The following H2AZ2 variants were observed in gnomAD, a reference collection of about 807,000 sequenced individuals.
H2AZ2 encodes H2A.Z variant histone 2.
In H2AZ2, 5 loss-of-function variants were observed where a neutral mutation model predicts 15.5. The observed-to-expected ratio is 0.32, with a 90% confidence interval of 0.17 to 0.68. The LOEUF (loss-of-function observed/expected upper bound fraction) is 0.68, where lower values mean the gene tolerates loss of function less well. Among genes scored for constraint, H2AZ2 ranks in the 30% least tolerant of loss-of-function variants. The pLI is 0.72. For missense variants in H2AZ2, 42 were observed against 162.5 expected (o/e 0.26, Z 4.03); for synonymous variants, 44 against 57.4 (o/e 0.77, Z 1.05).
At chr7:44,841,180 G>T (rs1793267236) in intron 2 of H2AZ2, among the ~76,000 whole-genome samples, 168 bp from the exon 3 acceptor site, 1 of 152,118 alleles carries the variant, frequency 6.6e-6, no homozygotes, top group African/African-American at 2.4e-5. Context: ...TCTCTGTTCT[G>T]GTAATCTGTC....
At chr7:44,846,058 C>CAG (rs1278378854) in intron 1 of H2AZ2, among the ~76,000 whole-genome samples, 10 of 92,752 alleles carry the variant, frequency 1.1e-4, no homozygotes, top group South Asian at 2.9e-4. Context: ...CACACACACA[C>CAG]ACACAGAGAG....
At chr7:44,843,441 T>C in intron 1 of H2AZ2, 87 bp from the exon 2 acceptor site, 1 of 861,706 alleles carries the variant, frequency 1.2e-6, no homozygotes, top group Admixed American at 2.2e-5. Flanking sequence ...TTTCTAGTTT[T>C]ACTTTAGGTA....
intron 1 of H2AZ2, 115 bp downstream of exon 1, chr7:44,847,854 G>C: frequency 1.4e-6 from 2 of 1,415,344 alleles, no homozygotes; most frequent in South Asian, 1.3e-5. Flanking sequence ...GGCTCGGCCG[G>C]ACGAAGCCCA....
chr7:44,848,088 G>A (rs1793464511), upstream of H2AZ2: 4 of 532,514 alleles, frequency 7.5e-6, no homozygotes, highest in Middle Eastern at 5.6e-4. Context: ...AATACCCCGT[G>A]CCCGCCTCGC....
downstream of H2AZ2, among the ~76,000 whole-genome samples, chr7:44,831,341 G>T (rs1169948359): frequency 6.6e-6 from 1 of 151,990 alleles, no homozygotes; most frequent in African/African-American, 2.4e-5. Context: ...ACATGACCTA[G>T]TTGTTCTATT....
chr7:44,837,996 G>T (rs1793172150), intron 3 of H2AZ2, among the ~76,000 whole-genome samples: 1 of 151,066 alleles, frequency 6.6e-6, no homozygotes, highest in Non-Finnish European at 1.5e-5. Flanking sequence ...TTTTAAGACG[G>T]AGTCTCGTTC....
At chr7:44,846,060 C>CAGAG (rs1167886736) in intron 1 of H2AZ2, among the ~76,000 whole-genome samples, 5 of 78,282 alleles carry the variant, frequency 6.4e-5, no homozygotes, top group South Asian at 3.4e-4. Flanking sequence ...CACACACACA[C>CAGAG]ACAGAGAGAG....
At chr7:44,840,852 A>C in intron 3 of H2AZ2, 47 bp downstream of exon 3, 5 of 1,211,004 alleles carry the variant, frequency 4.1e-6, no homozygotes, top group Non-Finnish European at 4.9e-6. Context: ...CACTGAGACT[A>C]GTGCACCTTC....
At chr7:44,839,654 C>A (rs1219452647) in intron 3 of H2AZ2, among the ~76,000 whole-genome samples, 6 of 150,942 alleles carry the variant, frequency 4.0e-5, no homozygotes, top group Non-Finnish European at 8.8e-5. Flanking sequence ...TGCACTCCAG[C>A]CTGGGTGACA....
In H2AZ2 at chr7:44,843,362, CAA is replaced by C. The variant is rs747277930; in HGVS notation, c.4-10_4-9del. 1 of 1,587,694 alleles carries C rather than the reference CAA, an allele frequency of 6.3e-7. No homozygotes were observed. Among genetic ancestry groups the C allele is most frequent in the Non-Finnish European group, 8.6e-7 (1 of 1,167,050 alleles). On this transcript the variant is annotated splice_polypyrimidine_tract_variant and intron_variant, in intron 1 of 4. Transcript: ENST00000308153. ...TCCAGCTTTGCCTCCAGCCTAAATGCAAAAAAAAATTTTTTTGAATGAAAAGA... is the reference window on the plus strand; with the variant it reads ...TCCAGCTTTGCCTCCAGCCTAAATGCAAAAAAATTTTTTTGAATGAAAAGA...
At chr7:44,831,203 C>CT, downstream of H2AZ2, among the ~76,000 whole-genome samples, 1 of 151,958 alleles carries the variant, frequency 6.6e-6, no homozygotes, top group Non-Finnish European at 1.5e-5. Flanking sequence ...AAAAAGCTAT[C>CT]TTTTAGATAC....
chr7:44,843,306 C>T lies in H2AZ2; in HGVS notation c.52G>A (p.Val18Ile). The T allele has an allele frequency of 1.2e-6, 2 of 1,612,212 alleles. No homozygotes were observed. Among genetic ancestry groups the T allele is most frequent in the Non-Finnish European group, 1.7e-6 (2 of 1,179,326 alleles). ...AGCCCAGCTCTCTGTGAGCGAGATA[C>T]TGCCTTAGCCTTGGCCTTCCCACTG... ...KDSGKAKAKA[V>I]SRSQRAGLQF... The change falls in exon 2 of 5, where the codon GTA becomes ATA. Residue 18 changes from valine to isoleucine, a missense_variant. By Grantham distance (29) the Val-to-Ile change is conservative. Transcript: ENST00000308153.
chr7:44,846,895 C>T (rs1031921379), intron 1 of H2AZ2, among the ~76,000 whole-genome samples: 1 of 150,878 alleles, frequency 6.6e-6, no homozygotes, highest in African/African-American at 2.4e-5. Context: ...AGCAATTATC[C>T]CTAAAGTCTA....
At chr7:44,838,512 G>T (rs185782921) in intron 3 of H2AZ2, among the ~76,000 whole-genome samples, 1 of 151,998 alleles carries the variant, frequency 6.6e-6, no homozygotes, top group Admixed American at 6.6e-5. Context: ...AATTAGCCAG[G>T]TGTGGTGATG....
chr7:44,833,526 C>T lies in H2AZ2; in HGVS notation c.*975G>A, dbSNP rs12155039. On this transcript the variant is annotated 3_prime_UTR_variant, in exon 5 of 5. Coordinates refer to ENST00000308153, the MANE Select transcript of H2AZ2 (RefSeq NM_012412.5). ...CTGGGATTACAGGCGTGAGCCACCG[C>T]GCCTGGCCGAGACGGCGTTTTACCA... is the stretch of plus-strand genomic sequence containing the variant. 7 of 208,126 alleles carry T rather than the reference C, an allele frequency of 3.4e-5. No individual in the cohort carries two copies. Among genetic ancestry groups the T allele is most frequent in the East Asian group, 1.8e-4 (1 of 5,424 alleles). The allele number at this position is 208,126 out of a possible 1,614,324, so 12.9% of individuals were successfully genotyped here. A position where few individuals can be genotyped will look rare whatever the true frequency, so the allele number is the denominator to read the frequency against.
chr7:44,847,913 C>T (rs915227473), intron 1 of H2AZ2, 56 bp downstream of exon 1: 2 of 1,532,242 alleles, frequency 1.3e-6, no homozygotes, highest in Non-Finnish European at 1.7e-6. Flanking sequence ...GACGCCAGGG[C>T]CTCCGCGCTC....
At position 44,834,258 on chromosome 7, in the gene H2AZ2, C is replaced by A; in HGVS notation, c.*243G>T. 2 of 1,243,012 alleles carry A rather than the reference C, an allele frequency of 1.6e-6. No homozygotes were observed. Among genetic ancestry groups the A allele is most frequent in the Non-Finnish European group, 2.0e-6 (2 of 990,902 alleles). 77.0% of individuals were successfully genotyped at this position (1,243,012 alleles called of 1,614,324 possible). On this transcript the variant is annotated 3_prime_UTR_variant, in exon 5 of 5. Coordinates refer to ENST00000308153, the MANE Select transcript of H2AZ2 (RefSeq NM_012412.5). ...TTTGTAAAAAATGGTTTATCAATTCCATTTTTGTATAAAACACACGGGAGA... is the reference window on the plus strand; with the variant it reads ...TTTGTAAAAAATGGTTTATCAATTCAATTTTTGTATAAAACACACGGGAGA...
At position 44,834,368 on chromosome 7, in the gene H2AZ2, T is replaced by C. The variant is rs1308705563; in HGVS notation, c.*133A>G. 22 of 1,349,376 alleles carry C rather than the reference T, an allele frequency of 1.6e-5. No homozygotes were observed. Among genetic ancestry groups the C allele is most frequent in the South Asian group, 2.2e-5 (1 of 45,138 alleles). The allele number at this position is 1,349,376 out of a possible 1,614,324, so 83.6% of individuals were successfully genotyped here. A position where few individuals can be genotyped will look rare whatever the true frequency, so the allele number is the denominator to read the frequency against. ...AGTCTAAGAACATACAAATGTTTCTTTTATCATGTCTACAGTAATTGTCTA... is the reference window on the plus strand; with the variant it reads ...AGTCTAAGAACATACAAATGTTTCTCTTATCATGTCTACAGTAATTGTCTA... On this transcript the variant is annotated 3_prime_UTR_variant, in exon 5 of 5. Transcript: ENST00000308153.
intron 3 of H2AZ2, among the ~76,000 whole-genome samples, chr7:44,837,236 A>T (rs1008493943): frequency 2.6e-5 from 4 of 151,626 alleles, no homozygotes; most frequent in African/African-American, 9.7e-5. Context: ...TGTTGGGTAT[A>T]CAGGAGAATC....
Sources: allele counts gnomAD v4.1 joint callset (sites outside exome capture counted in the v4.1 genomes callset), GRCh38; gene constraint gnomAD v4.1.1; transcripts MANE v1.5; gene names NCBI Gene and HGNC (gene_info 2026-07-23, HGNC 2026-07-21).